Variants in WARS2 observed in about 807,000 individuals in gnomAD.
WARS2 encodes tryptophan--tRNA ligase, mitochondrial.
Under a neutral mutation model 36.5 loss-of-function variants are expected in WARS2, and 28 were observed. That is an observed-to-expected ratio of 0.77 (90% CI 0.57 to 1.05). The LOEUF (loss-of-function observed/expected upper bound fraction) is 1.05. Among genes scored for constraint, WARS2 ranks in the 50% least tolerant of loss-of-function variants. The pLI, the probability that WARS2 is intolerant of heterozygous loss-of-function variation, is 0.00. For synonymous variants in WARS2, 174 were observed against 178.4 expected, an observed-to-expected ratio of 0.98 and a Z score of 0.20; for missense variants, 435 against 456.8, an observed-to-expected ratio of 0.95 and a Z score of 0.44.
In WARS2 at chr1:119,032,604, C is replaced by A; in HGVS notation, c.*307G>T. The A allele has an allele frequency of 2.8e-6, 1 of 355,682 alleles. No homozygotes were observed. Among genetic ancestry groups the A allele is most frequent in the Non-Finnish European group, 5.1e-6 (1 of 195,586 alleles). The allele number at this position is 355,682 out of a possible 1,614,324, so 22.0% of individuals were successfully genotyped here. Reference sequence around the variant, plus strand: ...AGAAGCACAAATGATACTCCATTTCCCAAATTACTCCTTACTTCAATCACA... The same window carrying A: ...AGAAGCACAAATGATACTCCATTTCACAAATTACTCCTTACTTCAATCACA... On this transcript the variant is annotated 3_prime_UTR_variant, in exon 6 of 6. Coordinates refer to ENST00000235521, the MANE Select transcript of WARS2 (RefSeq NM_015836.4).
chr1:119,071,163 T>A (rs1651288163), intron 2 of WARS2, among the ~76,000 whole-genome samples: 1 of 151,972 alleles, frequency 6.6e-6, no homozygotes, highest in Non-Finnish European at 1.5e-5. Flanking sequence ...CAAAGCGAGA[T>A]TCCGTCTAAA....
chr1:119,138,794 A>C (rs977660317), intron 1 of WARS2, among the ~76,000 whole-genome samples: 1 of 152,210 alleles, frequency 6.6e-6, no homozygotes, highest in African/African-American at 2.4e-5. Flanking sequence ...TCAAAGCTAA[A>C]TTAAAGGTTT....
rs562826487 is a variant in WARS2 at position 119,032,815 on chromosome 1, C to T, written c.*96G>A. 2 of 1,212,986 alleles carry T rather than the reference C, an allele frequency of 1.6e-6. No individual in the cohort carries two copies. Among genetic ancestry groups the T allele is most frequent in the South Asian group, 1.5e-5 (1 of 65,130 alleles). The allele number at this position is 1,212,986 out of a possible 1,614,324, so 75.1% of individuals were successfully genotyped here. On this transcript the variant is annotated 3_prime_UTR_variant, in exon 6 of 6. Coordinates refer to ENST00000235521, the MANE Select transcript of WARS2 (RefSeq NM_015836.4). ...TAATCAGCTATACCAAATTAAATGT[C>T]CCAAAACTATAACTTTTTCTTTTTA...
intron 1 of WARS2, 103 bp from the exon 2 acceptor site, chr1:119,076,710 T>G (rs1651768438): frequency 6.7e-7 from 1 of 1,498,466 alleles, no homozygotes. Context: ...TTTTGTAAAC[T>G]ACAATCTGAC....
intron 1 of WARS2, among the ~76,000 whole-genome samples, chr1:119,129,388 G>C (rs1344748188): frequency 6.6e-6 from 1 of 152,148 alleles, no homozygotes; most frequent in Non-Finnish European, 1.5e-5. Flanking sequence ...GTTAGACATA[G>C]ATTTACCAGA....
chr1:119,055,413 G>C (rs1295257340), intron 2 of WARS2, among the ~76,000 whole-genome samples: 1 of 152,096 alleles, frequency 6.6e-6, no homozygotes, highest in South Asian at 2.1e-4. Context: ...AGGAGTTCAA[G>C]GCCAGCCTGG....
intron 2 of WARS2, among the ~76,000 whole-genome samples, chr1:119,069,775 T>A (rs1651153372): frequency 6.6e-6 from 1 of 152,144 alleles, no homozygotes. Context: ...TGTGGCTGCC[T>A]TGTGGGGAAT....
intron 5 of WARS2, 137 bp downstream of exon 5, chr1:119,033,958 G>A: frequency 1.6e-6 from 1 of 622,192 alleles, no homozygotes; most frequent in South Asian, 2.3e-5. Flanking sequence ...AGAAAACAAT[G>A]AGGACTCTAG....
intron 1 of WARS2, chr1:119,126,494 TTC>T (rs1655668109): frequency 1.7e-5 from 8 of 457,184 alleles, no homozygotes; most frequent in East Asian, 9.0e-5. Context: ...TTTTTTTTTT[TTC>T]ACAAATAGGA....
intron 1 of WARS2, among the ~76,000 whole-genome samples, chr1:119,120,755 G>A (rs4462193): frequency 0.021 from 3,163 of 152,048 alleles, 99 homozygotes; most frequent in African/African-American, 0.072. Flanking sequence ...GTAAATAAAC[G>A]TAATGATATA....
At chr1:119,070,432 A>AT in intron 2 of WARS2, among the ~76,000 whole-genome samples, 1 of 151,710 alleles carries the variant, frequency 6.6e-6, no homozygotes, top group Non-Finnish European at 1.5e-5. Context: ...CGCCTGGCTA[A>AT]TTTTTTAATT....
intron 1 of WARS2, among the ~76,000 whole-genome samples, chr1:119,135,191 G>T (rs1656398733): frequency 6.6e-6 from 1 of 152,034 alleles, no homozygotes; most frequent in African/African-American, 2.4e-5. Context: ...CATCATATGT[G>T]GTCCTGATCA....
intron 2 of WARS2, among the ~76,000 whole-genome samples, chr1:119,055,871 G>C (rs1211372894): frequency 1.3e-5 from 2 of 151,978 alleles, no homozygotes; most frequent in Non-Finnish European, 2.9e-5. Flanking sequence ...GTTGATAAAA[G>C]AAACAAACTA....
At chr1:119,125,533 A>C (rs1308023645) in intron 1 of WARS2, among the ~76,000 whole-genome samples, 1 of 152,230 alleles carries the variant, frequency 6.6e-6, no homozygotes, top group Non-Finnish European at 1.5e-5. Context: ...TCAATACTAT[A>C]AAATACTCAC....
chr1:119,129,727 T>TAA (rs71586672), intron 1 of WARS2, among the ~76,000 whole-genome samples: 2,569 of 148,670 alleles, frequency 0.017, 40 homozygotes, highest in Non-Finnish European at 0.027. Context: ...AAAATAAAAA[T>TAA]AAAAAAAAAA....
At chr1:119,049,061 G>C (rs772391017) in intron 2 of WARS2, among the ~76,000 whole-genome samples, 1 of 152,108 alleles carries the variant, frequency 6.6e-6, no homozygotes, top group African/African-American at 2.4e-5. Context: ...AACGGAGCGA[G>C]ACTCTGTCCC....
chr1:119,081,023 A>T (rs1652152799), intron 1 of WARS2, among the ~76,000 whole-genome samples: 1 of 152,194 alleles, frequency 6.6e-6, no homozygotes, highest in Non-Finnish European at 1.5e-5. Flanking sequence ...CTTCCAGCCT[A>T]TACATTTATT....
chr1:119,127,331 C>A, intron 1 of WARS2: 1 of 554,666 alleles, frequency 1.8e-6, no homozygotes, highest in Non-Finnish European at 3.3e-6. Context: ...GATACTATTA[C>A]TGTCTCTGTT....
intron 2 of WARS2, among the ~76,000 whole-genome samples, chr1:119,066,410 A>G (rs370407458): frequency 2.3e-4 from 34 of 149,120 alleles, no homozygotes; most frequent in South Asian, 4.5e-4. Flanking sequence ...CCTGGGAGGC[A>G]GAGCTTGCAG....
Sources: gnomAD v4.1 joint callset for allele counts (sites outside exome capture counted in the v4.1 genomes callset) on GRCh38, gnomAD v4.1.1 for gene constraint, MANE v1.5 for transcripts, NCBI Gene and HGNC (gene_info 2026-07-23, HGNC 2026-07-21) for gene names.